Variants in VCL observed in about 807,000 individuals in gnomAD.
The protein encoded by VCL is epididymis luminal protein 114.
In VCL, 47 loss-of-function variants were observed where a neutral mutation model predicts 125.7. That is an observed-to-expected ratio of 0.37 (90% CI 0.30 to 0.48). The LOEUF (loss-of-function observed/expected upper bound fraction) is 0.48, where lower values mean the gene tolerates loss of function less well. VCL is among the 20% of genes least tolerant of loss of function. VCL has a pLI of 0.99. For synonymous variants in VCL, 458 were observed against 514.6 expected (o/e 0.89, Z 1.49); for missense variants, 1,069 against 1,455.5 (o/e 0.73, Z 4.32).
chr10:73,998,616 C>T (rs185314301), intron 1 of VCL, among the ~76,000 whole-genome samples: 2 of 152,246 alleles, frequency 1.3e-5, no homozygotes, highest in Non-Finnish European at 2.9e-5. Flanking sequence ...GGCTGCCTTG[C>T]GGGCTTGTCG....
intron 1 of VCL, among the ~76,000 whole-genome samples, chr10:74,029,535 T>C (rs1442942393): frequency 6.6e-6 from 1 of 152,180 alleles, no homozygotes; most frequent in African/African-American, 2.4e-5. Context: ...TAGCCTTAAC[T>C]GACAGACTGA....
chr10:74,061,670 G>A (rs1006923490), intron 2 of VCL, among the ~76,000 whole-genome samples: 2 of 152,058 alleles, frequency 1.3e-5, no homozygotes, highest in African/African-American at 4.8e-5. Flanking sequence ...TAGGTTGCTT[G>A]GAGTTGTCCC....
intron 10 of VCL, 134 bp downstream of exon 10, chr10:74,090,332 G>C: frequency 1.1e-6 from 1 of 948,214 alleles, no homozygotes; most frequent in Non-Finnish European, 1.6e-6. Context: ...CACTTATGAT[G>C]CTCTTCCACT....
chr10:74,085,256 A>G (rs918834497), intron 8 of VCL, among the ~76,000 whole-genome samples: 3 of 152,264 alleles, frequency 2.0e-5, no homozygotes, highest in Non-Finnish European at 4.4e-5. Context: ...ATTGAAACTG[A>G]AACACAAATC....
intron 10 of VCL, among the ~76,000 whole-genome samples, chr10:74,092,484 C>T (rs1257430184): frequency 2.0e-5 from 3 of 152,172 alleles, no homozygotes; most frequent in African/African-American, 7.2e-5. Context: ...AGAGGCACCT[C>T]ATCAAACCCA....
chr10:74,118,581 AG>A lies in VCL; in HGVS notation c.*414del, dbSNP rs1840347302. 1 of 266,130 alleles carries A rather than the reference AG, an allele frequency of 3.8e-6. No homozygotes were observed. Among genetic ancestry groups the A allele is most frequent in the East Asian group, 9.0e-5 (1 of 11,068 alleles). 16.5% of individuals were successfully genotyped at this position (266,130 alleles called of 1,614,324 possible). ...TCCAGAATCCCAAGACCCAGGGCCC[AG>A]GCAAATCAGTTACTAAGAAGAAAAT... On this transcript the variant is annotated 3_prime_UTR_variant, in exon 22 of 22. Transcript: ENST00000211998.
chr10:73,998,440 C>T (rs1565628996), intron 1 of VCL, 65 bp downstream of exon 1: 1 of 1,302,278 alleles, frequency 7.7e-7, no homozygotes, highest in African/African-American at 1.6e-5. Context: ...CGGCCCGCGT[C>T]GCGGCTGCCT....
intron 1 of VCL, among the ~76,000 whole-genome samples, chr10:74,022,746 C>T (rs1840697118): frequency 6.6e-6 from 1 of 151,486 alleles, no homozygotes; most frequent in African/African-American, 2.4e-5. Flanking sequence ...AAGCAATTCT[C>T]CTGCCTCAGC....
Position 74,083,461 on chromosome 10 carries a change from A to T in VCL, c.970A>T (p.Thr324Ser). The T allele has an allele frequency of 6.2e-7, 1 of 1,614,130 alleles. No individual in the cohort carries two copies. The highest frequency in any genetic ancestry group is 8.5e-7 in the Non-Finnish European group (1 of 1,179,980). Residue 324 changes from threonine (T) to serine (S), a missense_variant, in exon 8 of 22, where the codon ACT (threonine) becomes TCT (serine). This residue lies in a region of VCL where 760 missense variants were observed against 928.9 expected (regional missense o/e 0.82). Coordinates refer to ENST00000211998, the MANE Select transcript of VCL (RefSeq NM_014000.3). Reference sequence around the variant, plus strand: ...CAAAGAACGCAGGGAGATTCTGGGAACTTGCAAAATGCTAGGGCAGATGAC... The same window carrying T: ...CAAAGAACGCAGGGAGATTCTGGGATCTTGCAAAATGCTAGGGCAGATGAC... ...AGKERREILG[T>S]CKMLGQMTDQ...
intron 1 of VCL, among the ~76,000 whole-genome samples, chr10:74,012,459 G>C (rs1184782629): frequency 6.6e-6 from 1 of 152,122 alleles, no homozygotes; most frequent in Non-Finnish European, 1.5e-5. Flanking sequence ...TTATAAAAAA[G>C]ATTTATTCAC....
In VCL at chr10:74,081,331, C is replaced by T. The variant is rs1839670893; in HGVS notation, c.784-1123C>T. On this transcript the variant is annotated intron_variant, in intron 6 of 21. Coordinates refer to ENST00000211998, the MANE Select transcript of VCL (RefSeq NM_014000.3). ...ACCTTGAGCCTAACTATGGGTGCTG[C>T]CAATGCTTATTTGTGATAGTGCTGT... Among the ~76,000 whole-genome samples, 3 of 152,116 alleles carry T rather than the reference C, an allele frequency of 2.0e-5. No individual in the cohort carries two copies. In the South Asian group the frequency reaches 6.2e-4, roughly 31 times the overall value.
At position 73,998,310 on chromosome 10, in the gene VCL, A is replaced by G. The variant is rs139329923; in HGVS notation, c.103A>G (p.Lys35Glu). Residue 35 changes from lysine to glutamate, a missense_variant, in exon 1 of 22, where the codon AAA becomes GAA. Coordinates refer to ENST00000211998, the MANE Select transcript of VCL (RefSeq NM_014000.3). ...GCACGAGGAGGGCGAGGTGGACGGC[A>G]AAGCCATTCCTGACCTCACCGCGCC... ...IMHEEGEVDG[K>E]AIPDLTAPVA... The G allele has an allele frequency of 1.9e-6, 3 of 1,590,488 alleles. No homozygotes were observed. Among genetic ancestry groups the G allele is most frequent in the African/African-American group, 2.7e-5 (2 of 74,114 alleles).
chr10:74,118,373 C>A lies in VCL; in HGVS notation c.*204C>A. 2 of 666,678 alleles carry A rather than the reference C, an allele frequency of 3.0e-6. No individual in the cohort carries two copies. Among genetic ancestry groups the A allele is most frequent in the South Asian group, 1.7e-5 (1 of 57,148 alleles). 41.3% of individuals were successfully genotyped at this position (666,678 alleles called of 1,614,324 possible). ...CTTTGAAATGTGTTTCTGTATAAAGCCTGTATTCTCAAACACAGTTACACT... is the reference window on the plus strand; with the variant it reads ...CTTTGAAATGTGTTTCTGTATAAAGACTGTATTCTCAAACACAGTTACACT... On this transcript the variant is annotated 3_prime_UTR_variant, in exon 22 of 22. Transcript: ENST00000211998.
Position 74,097,268 on chromosome 10 carries a change from CA to C in VCL, c.1810del (p.Thr604LeufsTer62). 6.2e-7 allele frequency: 1 copy of C among 1,614,138 alleles called. No individual in the cohort carries two copies. The highest frequency in any genetic ancestry group is 8.5e-7 in the Non-Finnish European group (1 of 1,180,008). The part of the protein sequence containing the change: ...QEVSDVFSDT[T>X]TPIKLLAVAA... ...GTGTCAGATGTTTTCAGCGATACCACAACTCCCATCAAGCTGTTGGCAGTGG... is the reference window on the plus strand; with the variant it reads ...GTGTCAGATGTTTTCAGCGATACCACACTCCCATCAAGCTGTTGGCAGTGG... On this transcript the variant is annotated frameshift_variant, in exon 13 of 22. Transcript: ENST00000211998. LOFTEE classifies it high-confidence loss of function. This position sits in a 1 kb window ranked among gnomAD's most constrained non-coding sequence, Gnocchi z 4.1.
chr10:74,007,539 A>G (rs1840342317), intron 1 of VCL, among the ~76,000 whole-genome samples: 1 of 152,210 alleles, frequency 6.6e-6, no homozygotes, highest in Non-Finnish European at 1.5e-5. Context: ...TCTGTTGCTC[A>G]GGCTGCAGTG....
Position 74,097,502 on chromosome 10 carries a change from A to G in VCL, c.1872+170A>G, listed in dbSNP as rs1013935575. ...ACCTCTACTTTTAGTCTCCACGTAT[A>G]TCAGTGAGGAATATCTTTAGTTGCA... On this transcript the variant is annotated intron_variant, in intron 13 of 21. Transcript: ENST00000211998. This position sits in a 1 kb window ranked among gnomAD's most constrained non-coding sequence, Gnocchi z 4.1. Among the ~76,000 whole-genome samples the G allele has an allele frequency of 6.6e-5, 10 of 152,228 alleles. No homozygotes were observed. Among genetic ancestry groups the G allele is most frequent in the Admixed American group, 6.5e-4 (10 of 15,282 alleles).
rs185118220 is a variant in VCL at position 74,048,964 on chromosome 10, C to T, written c.239+5811C>T. Reference sequence around the variant, plus strand: ...TCTACTAAAAATACAAAAAATTAGCCGGACGTGGTGGCAGGCACCAGTAGT... The same window carrying T: ...TCTACTAAAAATACAAAAAATTAGCTGGACGTGGTGGCAGGCACCAGTAGT... On this transcript the variant is annotated intron_variant, in intron 2 of 21. Coordinates refer to ENST00000211998, the MANE Select transcript of VCL (RefSeq NM_014000.3). Among the ~76,000 whole-genome samples, 164 of 152,188 alleles carry T rather than the reference C, an allele frequency of 1.1e-3. 1 individual carries two copies. The highest frequency in any genetic ancestry group is 3.6e-3 in the African/African-American group (149 of 41,540).
At chr10:74,023,799 C>A (rs1223114691) in intron 1 of VCL, among the ~76,000 whole-genome samples, 1 of 152,180 alleles carries the variant, frequency 6.6e-6, no homozygotes, top group Non-Finnish European at 1.5e-5. Context: ...ATACAATCTG[C>A]AAAAGGCACA....
chr10:74,024,570 C>T (rs1365309261), intron 1 of VCL, among the ~76,000 whole-genome samples: 1 of 151,090 alleles, frequency 6.6e-6, no homozygotes, highest in Non-Finnish European at 1.5e-5. Flanking sequence ...GAGATTGCAC[C>T]ATTGCACTCT....
Sources: allele counts gnomAD v4.1 joint callset (sites outside exome capture counted in the v4.1 genomes callset), GRCh38; gene constraint gnomAD v4.1.1; regional missense constraint gnomAD v4.1.1; non-coding constraint Gnocchi (gnomAD v3.1); transcripts MANE v1.5; gene names NCBI Gene and HGNC (gene_info 2026-07-23, HGNC 2026-07-21).